Variants in ZFP69B observed in about 807,000 individuals in gnomAD.
The protein encoded by ZFP69B is ZFP69 zinc finger protein B.
Under a neutral mutation model 19.7 loss-of-function variants are expected in ZFP69B, and 20 were observed. The observed-to-expected ratio is 1.02, with a 90% CI of 0.71 to 1.48. The LOEUF is 1.48. Ranked by LOEUF, ZFP69B falls within the 40% of genes most tolerant of loss-of-function variation. The pLI is 0.00. For synonymous variants in ZFP69B, 220 were observed against 222.7 expected (o/e 0.99, Z 0.11); for missense variants, 583 against 632.6 (o/e 0.92, Z 0.84).
rs961151712 is a variant in ZFP69B, at chr1:40,457,001, G to T, written c.270G>T (p.Gln90His). 3 of 1,613,854 alleles carry T rather than the reference G, an allele frequency of 1.9e-6. No homozygotes were observed. Among genetic ancestry groups the T allele is most frequent in the African/African-American group, 2.7e-5 (2 of 74,940 alleles). ...ACTTCACTCAGGAGGAGTGGGGGCA[G>T]CTGGCCCCTGCTCACCGGAATCTGT... ...SVDFTQEEWGQLAPAHRNLYR... is the reference protein window; with the variant it reads ...SVDFTQEEWGHLAPAHRNLYR... The change falls in exon 3 of 5, where the codon CAG becomes CAT. Residue 90 changes from glutamine (Q) to histidine (H), a missense_variant. Physicochemically the swap from Gln to His is conservative, Grantham distance 24. Coordinates refer to ENST00000361584, the MANE Select transcript of ZFP69B (RefSeq NM_023070.3).
At chr1:40,453,036 T>C (rs1167751763) in intron 1 of ZFP69B, among the ~76,000 whole-genome samples, 1 of 151,334 alleles carries the variant, frequency 6.6e-6, no homozygotes, top group African/African-American at 2.4e-5. Flanking sequence ...TCTTGGCTTA[T>C]TGCAACCTCT....
Position 40,463,443 on chromosome 1 carries a change from G to C in ZFP69B, c.1459G>C (p.Asp487His). The change falls in exon 5 of 5, where the codon GAT becomes CAT. Residue 487 changes from aspartate (D) to histidine (H), a missense_variant. By Grantham distance (81) the Asp-to-His change is moderately conservative. Coordinates refer to ENST00000361584, the MANE Select transcript of ZFP69B (RefSeq NM_023070.3). The stretch of plus-strand genomic sequence containing the variant: ...TCATTGTGGGAAAGCCTTTAGGCAT[G>C]ATTCATCCTTTGCTAAACATCAGAG... ...CSHCGKAFRH[D>H]SSFAKHQRIH... The C allele has an allele frequency of 6.2e-7, 1 of 1,614,062 alleles. No individual in the cohort carries two copies. Among genetic ancestry groups the C allele is most frequent in the Non-Finnish European group, 8.5e-7 (1 of 1,180,008 alleles).
intron 2 of ZFP69B, among the ~76,000 whole-genome samples, chr1:40,455,372 G>C (rs1472845442): frequency 1.3e-5 from 2 of 152,286 alleles, no homozygotes; most frequent in South Asian, 2.1e-4. Context: ...TTAATCATGT[G>C]TTTAAATCAT....
intron 1 of ZFP69B, among the ~76,000 whole-genome samples, chr1:40,453,592 C>T (rs1178267846): frequency 6.6e-6 from 1 of 152,042 alleles, no homozygotes; most frequent in African/African-American, 2.4e-5. Context: ...GGGTACTATC[C>T]ACATGTATTC....
upstream of ZFP69B, chr1:40,450,075 C>T (rs986443228): frequency 6.6e-6 from 1 of 152,246 alleles, no homozygotes; most frequent in Admixed American, 6.5e-5. Flanking sequence ...CACTGGGCCC[C>T]GACTGCCCGC....
intron 1 of ZFP69B, among the ~76,000 whole-genome samples, chr1:40,451,348 C>G (rs1359990317): frequency 6.6e-6 from 1 of 151,990 alleles, no homozygotes. Flanking sequence ...TGGACTTAAC[C>G]TGATTTTTCT....
At chr1:40,458,526 TTC>T (rs1213819125) in intron 4 of ZFP69B, among the ~76,000 whole-genome samples, 1 of 151,780 alleles carries the variant, frequency 6.6e-6, no homozygotes, top group African/African-American at 2.4e-5. Context: ...TTTTTTTTTT[TTC>T]TTTTTTGAGA....
Position 40,457,419 on chromosome 1 carries a change from T to C in ZFP69B, c.416T>C (p.Ile139Thr), listed in dbSNP as rs757719022. The C allele has an allele frequency of 1.2e-6, 2 of 1,614,164 alleles. No individual in the cohort carries two copies. The highest frequency in any genetic ancestry group is 1.7e-5 in the Admixed American group (1 of 60,020). The change falls in exon 4 of 5, where the codon ATT (isoleucine) becomes ACT (threonine). Residue 139 changes from isoleucine to threonine, a missense_variant. Ile to Thr is a moderately conservative substitution (Grantham distance 89). Transcript: ENST00000361584. ...GEEPWLMERDISGVPSSDLKS... is the reference protein window; with the variant it reads ...GEEPWLMERDTSGVPSSDLKS... The stretch of plus-strand genomic sequence containing the variant: ...GAACCATGGCTGATGGAGAGAGATA[T>C]TTCAGGAGTTCCAAGTTCAGGTAAG...
At chr1:40,457,632 C>G (rs1470356890) in intron 4 of ZFP69B, among the ~76,000 whole-genome samples, 193 bp downstream of exon 4, 1 of 152,178 alleles carries the variant, frequency 6.6e-6, no homozygotes, top group African/African-American at 2.4e-5. Flanking sequence ...AAAGAGATGC[C>G]TTTCTCATCA....
chr1:40,458,903 C>A (rs1486538320), intron 4 of ZFP69B, among the ~76,000 whole-genome samples: 1 of 152,152 alleles, frequency 6.6e-6, no homozygotes, highest in Non-Finnish European at 1.5e-5. Flanking sequence ...CTCCTCTATC[C>A]ACTAGGGTTT....
Position 40,463,336 on chromosome 1 carries a change from A to C in ZFP69B, c.1352A>C (p.Glu451Ala). The C allele has an allele frequency of 6.2e-7, 1 of 1,614,184 alleles. No individual in the cohort carries two copies. The highest frequency in any genetic ancestry group is 8.5e-7 in the Non-Finnish European group (1 of 1,180,044). Residue 451 changes from glutamate to alanine, a missense_variant, in exon 5 of 5, where the codon GAA becomes GCA. Transcript: ENST00000361584. The stretch of plus-strand genomic sequence containing the variant: ...GGAGAAAGACCATATAAATGTAAGG[A>C]ATGTGGGAAAGCCTTTAGCCAGAGA... Reference protein sequence around the residue: ...HTGERPYKCKECGKAFSQRIH... With the variant: ...HTGERPYKCKACGKAFSQRIH...
rs192177289 is a variant in ZFP69B at position 40,459,217 on chromosome 1, A to G, written c.436+1778A>G. On this transcript the variant is annotated intron_variant, in intron 4 of 4. Transcript: ENST00000361584. ...ACACTGTTGCTCCATTTCTGTACAAACTCCCACAGATGTTTTGTGATGGTT... is the reference window on the plus strand; with the variant it reads ...ACACTGTTGCTCCATTTCTGTACAAGCTCCCACAGATGTTTTGTGATGGTT... 1.9e-3 allele frequency among the ~76,000 whole-genome samples: 292 copies of G among 151,796 alleles called. 1 individual carries two copies. Among genetic ancestry groups the G allele is most frequent in the African/African-American group, 6.7e-3 (278 of 41,386 alleles).
chr1:40,450,391 G>A (rs1219258924), upstream of ZFP69B, among the ~76,000 whole-genome samples: 5 of 152,192 alleles, frequency 3.3e-5, no homozygotes, highest in Non-Finnish European at 4.4e-5. Context: ...TTCGCGGTTT[G>A]CTACAGCCGA....
intron 4 of ZFP69B, among the ~76,000 whole-genome samples, chr1:40,461,511 A>G (rs1645285062): frequency 6.6e-6 from 1 of 152,048 alleles, no homozygotes; most frequent in Non-Finnish European, 1.5e-5. Flanking sequence ...ATCCTATCTT[A>G]CACCCAGGCA....
chr1:40,457,245 T>C, intron 3 of ZFP69B, 99 bp from the exon 4 acceptor site: 1 of 1,498,624 alleles, frequency 6.7e-7, no homozygotes, highest in Non-Finnish European at 9.2e-7. Flanking sequence ...TACTCTACTC[T>C]GCTTTCTTTA....
Position 40,450,859 on chromosome 1 carries a change from T to C in ZFP69B, c.-103T>C, listed in dbSNP as rs966807342. 7.5e-7 allele frequency: 1 copy of C among 1,331,782 alleles called. No homozygotes were observed. Among genetic ancestry groups the C allele is most frequent in the African/African-American group, 1.5e-5 (1 of 66,150 alleles). The allele number at this position is 1,331,782 out of a possible 1,614,324, so 82.5% of individuals were successfully genotyped here. On this transcript the variant is annotated 5_prime_UTR_variant, in exon 1 of 5. Coordinates refer to ENST00000361584, the MANE Select transcript of ZFP69B (RefSeq NM_023070.3). ...TCGGCGATTAAGGAGATCGGTACAA[T>C]TGGGAAGCCTCCTGTCAGAGCTTCC...
At chr1:40,454,652 C>T (rs1190196813) in intron 2 of ZFP69B, among the ~76,000 whole-genome samples, 1 of 152,176 alleles carries the variant, frequency 6.6e-6, no homozygotes, top group Non-Finnish European at 1.5e-5. Flanking sequence ...CCACCTCGGC[C>T]TCCCAAAATG....
At chr1:40,460,598 A>G (rs1645272633) in intron 4 of ZFP69B, among the ~76,000 whole-genome samples, 1 of 152,170 alleles carries the variant, frequency 6.6e-6, no homozygotes, top group Admixed American at 6.5e-5. Context: ...TAATCTCAGC[A>G]CTTTTGGAGG....
At position 40,463,461 on chromosome 1, in the gene ZFP69B, C is replaced by T; in HGVS notation, c.1477C>T (p.His493Tyr). The change falls in exon 5 of 5, where the codon CAT (histidine) becomes TAT (tyrosine). Residue 493 changes from histidine to tyrosine, a missense_variant. His to Tyr is a moderately conservative substitution (Grantham distance 83). Transcript: ENST00000361584. ...AFRHDSSFAK[H>Y]QRIHTGEKPY... Reference sequence around the variant, plus strand: ...TAGGCATGATTCATCCTTTGCTAAACATCAGAGAATTCATACTGGAGAAAA... The same window carrying T: ...TAGGCATGATTCATCCTTTGCTAAATATCAGAGAATTCATACTGGAGAAAA... The T allele has an allele frequency of 1.2e-6, 2 of 1,614,128 alleles. No homozygotes were observed. Among genetic ancestry groups the T allele is most frequent in the Non-Finnish European group, 8.5e-7 (1 of 1,180,014 alleles).
Sources: allele counts gnomAD v4.1 joint callset (sites outside exome capture counted in the v4.1 genomes callset), GRCh38; gene constraint gnomAD v4.1.1; transcripts MANE v1.5; gene names NCBI Gene and HGNC (gene_info 2026-07-23, HGNC 2026-07-21).